The following DENND5B variants were observed in gnomAD, a reference collection of about 807,000 sequenced individuals.
The protein encoded by DENND5B is DENN domain-containing protein 5B.
A neutral mutation model predicts 140.6 loss-of-function variants in DENND5B; 34 were observed. The ratio of observed to expected loss-of-function variants is 0.24; its 90% CI spans 0.18 to 0.32. The LOEUF (loss-of-function observed/expected upper bound fraction) is 0.32, where lower values mean the gene tolerates loss of function less well. DENND5B is among the 10% of genes least tolerant of loss of function. DENND5B has a pLI of 1.00. For synonymous variants in DENND5B, 551 were observed against 562.1 expected (o/e 0.98, Z 0.28); for missense variants, 1,142 against 1,560.2 (o/e 0.73, Z 4.52).
chr12:31,470,586 A>G (rs1488043188), intron 3 of DENND5B, among the ~76,000 whole-genome samples: 4 of 152,162 alleles, frequency 2.6e-5, no homozygotes, highest in Non-Finnish European at 5.9e-5. Flanking sequence ...AGCCTCAGGT[A>G]TTTTACAGTA....
At chr12:31,478,553 T>C (rs1945926007) in intron 3 of DENND5B, among the ~76,000 whole-genome samples, 1 of 151,920 alleles carries the variant, frequency 6.6e-6, no homozygotes, top group South Asian at 2.1e-4. Context: ...AAATAAAAAA[T>C]TAGCTGATGC....
intron 1 of DENND5B, among the ~76,000 whole-genome samples, chr12:31,556,823 G>A (rs775544528): frequency 1.3e-5 from 2 of 152,064 alleles, no homozygotes; most frequent in African/African-American, 4.8e-5. Context: ...TAGCAGATGA[G>A]TAAATTGGCA....
At chr12:31,512,295 C>G (rs1292172145) in intron 1 of DENND5B, among the ~76,000 whole-genome samples, 1 of 151,874 alleles carries the variant, frequency 6.6e-6, no homozygotes, top group African/African-American at 2.4e-5. Flanking sequence ...TTCACTGTAG[C>G]TTGGACCTCA....
intron 3 of DENND5B, among the ~76,000 whole-genome samples, chr12:31,470,712 T>C (rs191192545): frequency 4.4e-4 from 67 of 152,352 alleles, no homozygotes; most frequent in African/African-American, 1.2e-3. Flanking sequence ...TAGGAATGAA[T>C]TGAACTGTTG....
chr12:31,394,394 C>T (rs1458487186), intron 17 of DENND5B, among the ~76,000 whole-genome samples: 2 of 152,100 alleles, frequency 1.3e-5, no homozygotes, highest in East Asian at 3.9e-4. Flanking sequence ...ATAAAAGCCT[C>T]TCAGATAATA....
At chr12:31,420,803 T>C (rs1455991697) in intron 11 of DENND5B, among the ~76,000 whole-genome samples, 2 of 152,168 alleles carry the variant, frequency 1.3e-5, no homozygotes, top group Non-Finnish European at 2.9e-5. Context: ...GTCTTTGTTC[T>C]AGGACCAATT....
chr12:31,498,084 G>C (rs185653479), intron 1 of DENND5B, among the ~76,000 whole-genome samples: 1 of 152,174 alleles, frequency 6.6e-6, no homozygotes, highest in Admixed American at 6.5e-5. Context: ...AGTCTAAGCT[G>C]CTGATAGTGT....
At chr12:31,423,573 A>G (rs1204657511) in intron 11 of DENND5B, 24 bp downstream of exon 11, 1 of 1,611,394 alleles carries the variant, frequency 6.2e-7, no homozygotes, top group African/African-American at 1.3e-5. Flanking sequence ...CAGTGCTGCT[A>G]GTTCTTTACC....
At chr12:31,454,812 C>CTTTTTTTTTT (rs201720111) in intron 4 of DENND5B, among the ~76,000 whole-genome samples, 2 of 93,904 alleles carry the variant, frequency 2.1e-5, no homozygotes, top group Non-Finnish European at 3.8e-5. Flanking sequence ...GATTCAGTAT[C>CTTTTTTTTTT]TTTTTTTTTT....
chr12:31,432,586 C>T (rs1220599600), intron 8 of DENND5B: 1 of 152,230 alleles, frequency 6.6e-6, no homozygotes, highest in Non-Finnish European at 1.5e-5. Context: ...CATAGCAAGA[C>T]ACTATATATA....
intron 17 of DENND5B, among the ~76,000 whole-genome samples, chr12:31,395,114 G>A (rs991568225): frequency 6.6e-6 from 1 of 152,064 alleles, no homozygotes; most frequent in African/African-American, 2.4e-5. Context: ...AAATATCTGG[G>A]TACAAGTCTG....
rs149930300 is a variant in DENND5B at position 31,428,591 on chromosome 12, G to A, written c.2107-2167C>T. On this transcript the variant is annotated intron_variant, in intron 8 of 20. Transcript: ENST00000389082. ...TAATTTTTGTATTTTTTTTTGAGACGGAGTCTCGCTCTGTCACCCAGGCTG... is the reference window on the plus strand; with the variant it reads ...TAATTTTTGTATTTTTTTTTGAGACAGAGTCTCGCTCTGTCACCCAGGCTG... 8.3e-3 allele frequency among the ~76,000 whole-genome samples: 1,256 copies of A among 151,162 alleles called. 12 individuals are homozygous for A. The highest frequency in any genetic ancestry group is 0.029 in the African/African-American group (1,204 of 41,118).
chr12:31,387,300 CTTATT>C lies in DENND5B; in HGVS notation c.*298_*302del, dbSNP rs1259200857. ...CCCAACCCCCAACATTTTTAAGCTA[CTTATT>C]TTAAGTCACAGGAATATTCAATCTA... On this transcript the variant is annotated 3_prime_UTR_variant, in exon 21 of 21. Transcript: ENST00000389082. 2 of 208,670 alleles carry C rather than the reference CTTATT, an allele frequency of 9.6e-6. No homozygotes were observed. Among genetic ancestry groups the C allele is most frequent in the African/African-American group, 2.3e-5 (1 of 43,680 alleles). The allele number at this position is 208,670 out of a possible 1,614,324, so 12.9% of individuals were successfully genotyped here.
intron 1 of DENND5B, among the ~76,000 whole-genome samples, chr12:31,533,418 A>G (rs1204759145): frequency 6.6e-6 from 1 of 152,192 alleles, no homozygotes; most frequent in African/African-American, 2.4e-5. Flanking sequence ...TTGAATGTTT[A>G]TATTATGCTT....
chr12:31,408,096 G>T (rs1215886246), intron 14 of DENND5B, among the ~76,000 whole-genome samples: 5 of 152,166 alleles, frequency 3.3e-5, no homozygotes, highest in African/African-American at 1.2e-4. Context: ...AGGAGTTTGA[G>T]ACCAGCCTGG....
At chr12:31,463,944 A>C (rs1174216915) in intron 3 of DENND5B, among the ~76,000 whole-genome samples, 1 of 152,220 alleles carries the variant, frequency 6.6e-6, no homozygotes, top group Non-Finnish European at 1.5e-5. Flanking sequence ...CTAAGATTAC[A>C]GGCGTGAGCC....
chr12:31,483,238 G>C (rs1463612366), intron 2 of DENND5B, among the ~76,000 whole-genome samples: 1 of 152,176 alleles, frequency 6.6e-6, no homozygotes, highest in African/African-American at 2.4e-5. Context: ...TGCTGAGAGT[G>C]CCTATACCAG....
chr12:31,576,681 G>A (rs890310583), intron 1 of DENND5B, among the ~76,000 whole-genome samples: 12 of 151,872 alleles, frequency 7.9e-5, no homozygotes, highest in Admixed American at 5.3e-4. Flanking sequence ...TCAGGAGTTC[G>A]AGACCAGCTT....
intron 10 of DENND5B, 37 bp from the exon 11 acceptor site, chr12:31,423,712 T>C (rs1256748137): frequency 1.9e-6 from 3 of 1,588,258 alleles, no homozygotes; most frequent in Non-Finnish European, 2.6e-6. Flanking sequence ...TCATAAGAAA[T>C]AATTCATCAA....
Sources: gnomAD v4.1 joint callset for allele counts (sites outside exome capture counted in the v4.1 genomes callset) on GRCh38, gnomAD v4.1.1 for gene constraint, MANE v1.5 for transcripts, NCBI Gene and HGNC (gene_info 2026-07-23, HGNC 2026-07-21) for gene names.